Variants in DACH2 observed in about 807,000 individuals in gnomAD.
The protein encoded by DACH2 is dachshund homolog 2.
DACH2 carries 17 observed loss-of-function variants against 35.8 expected under a neutral mutation model. The observed-to-expected ratio is 0.48, with a 90% CI of 0.33 to 0.71. The LOEUF (loss-of-function observed/expected upper bound fraction) is 0.71, where lower values mean the gene tolerates loss of function less well. Among genes scored for constraint, DACH2 ranks in the 30% least tolerant of loss-of-function variants. The probability of loss-of-function intolerance (pLI) is 0.02; values close to 1 mark genes in which losing one functional copy is unlikely to be tolerated. For synonymous variants in DACH2, 195 were observed against 177.3 expected (o/e 1.10, Z -0.79); for missense variants, 469 against 472.7 (o/e 0.99, Z 0.07).
At chrX:86,266,752 G>A (rs2033720274) in intron 1 of DACH2, among the ~76,000 whole-genome samples, 1 of 111,535 alleles carries the variant, frequency 9.0e-6, no homozygotes, top group Non-Finnish European at 1.9e-5. Flanking sequence ...CTTCCTTGTG[G>A]AGTTATGAAA....
chrX:86,207,334 C>A (rs1239184021), intron 1 of DACH2, among the ~76,000 whole-genome samples: 1 of 111,362 alleles, frequency 9.0e-6, no homozygotes, highest in African/African-American at 3.3e-5. Context: ...TATAATCAGT[C>A]TCTGTGCAAA....
chrX:86,800,462 T>C (rs2042281286), intron 7 of DACH2, among the ~76,000 whole-genome samples: 1 of 111,644 alleles, frequency 9.0e-6, no homozygotes, highest in African/African-American at 3.3e-5. Flanking sequence ...TGGATATATA[T>C]TATGAATTAT....
intron 1 of DACH2, among the ~76,000 whole-genome samples, chrX:86,214,939 A>G (rs775772556): frequency 2.7e-5 from 3 of 111,592 alleles, no homozygotes; most frequent in Non-Finnish European, 5.7e-5. Context: ...TTCTAAAAAA[A>G]CAAGGTTGAT....
At chrX:86,168,783 C>T (rs1221116762) in intron 1 of DACH2, among the ~76,000 whole-genome samples, 1 of 108,899 alleles carries the variant, frequency 9.2e-6, no homozygotes, top group Non-Finnish European at 1.9e-5. Flanking sequence ...CTAATAAAAA[C>T]CCTATGCCGT....
intron 2 of DACH2, among the ~76,000 whole-genome samples, chrX:86,474,893 C>T (rs1234026369): frequency 9.0e-6 from 1 of 111,260 alleles, no homozygotes; most frequent in Non-Finnish European, 1.9e-5. Flanking sequence ...ACCACCATGC[C>T]CAGCTAATTT....
intron 11 of DACH2, among the ~76,000 whole-genome samples, chrX:86,823,070 C>T (rs7060839): frequency 1.8e-5 from 2 of 109,670 alleles, no homozygotes; most frequent in Middle Eastern, 4.8e-3. Flanking sequence ...CTTCTGCCTC[C>T]GCCTCCCAAG....
At chrX:86,553,043 G>T (rs1266477655) in intron 3 of DACH2, among the ~76,000 whole-genome samples, 6 of 110,744 alleles carry the variant, frequency 5.4e-5, no homozygotes, top group African/African-American at 9.9e-5. Context: ...ATATGAAGGG[G>T]AATTTATTAA....
chrX:86,369,706 A>C (rs776287325), intron 1 of DACH2, among the ~76,000 whole-genome samples: 1 of 111,654 alleles, frequency 9.0e-6, no homozygotes, highest in African/African-American at 3.2e-5. Flanking sequence ...TTATAGCATT[A>C]TTTATTTTCA....
At chrX:86,739,918 A>G in intron 7 of DACH2, 36 bp downstream of exon 7, 2 of 1,146,422 alleles carry the variant, frequency 1.7e-6, no homozygotes, top group Non-Finnish European at 2.3e-6. Flanking sequence ...ATTGGAAAAC[A>G]TTGTTTCTGG....
intron 1 of DACH2, among the ~76,000 whole-genome samples, chrX:86,276,184 G>A (rs1164993109): frequency 9.0e-6 from 1 of 111,468 alleles, no homozygotes; most frequent in Non-Finnish European, 1.9e-5. Context: ...CCACATCCTC[G>A]CCAGCCTTTG....
intron 7 of DACH2, among the ~76,000 whole-genome samples, chrX:86,741,812 G>T (rs1056936731): frequency 9.0e-6 from 1 of 111,128 alleles, no homozygotes. Flanking sequence ...TGGCTAAAAA[G>T]CACAGCACAT....
At chrX:86,295,628 C>T (rs1243967465) in intron 1 of DACH2, among the ~76,000 whole-genome samples, 1 of 111,131 alleles carries the variant, frequency 9.0e-6, no homozygotes, top group Non-Finnish European at 1.9e-5. Flanking sequence ...CTGACTAGGG[C>T]TGGTTTAAAT....
rs753101411 is a variant in DACH2 at position 86,411,496 on chromosome X, G to T, written c.527+34634G>T. Among the ~76,000 whole-genome samples, 10 of 110,464 alleles carry T rather than the reference G, an allele frequency of 9.1e-5. No homozygotes were observed. In the East Asian group the frequency reaches 2.9e-3, roughly 32 times the overall value. ...CTGAAATTATACATAATCTTCAAAT[G>T]AAGACAATAATGAGGTCATAATTAC... is the stretch of plus-strand genomic sequence containing the variant. On this transcript the variant is annotated intron_variant, in intron 2 of 11. Coordinates refer to ENST00000373125, the MANE Select transcript of DACH2 (RefSeq NM_053281.3).
chrX:86,669,226 A>C (rs1220203183), intron 4 of DACH2, among the ~76,000 whole-genome samples: 1 of 110,533 alleles, frequency 9.0e-6, no homozygotes, highest in African/African-American at 3.3e-5. Flanking sequence ...TCTTCCCTTC[A>C]AAACACATGT....
chrX:86,369,138 T>C (rs1452588432), intron 1 of DACH2, among the ~76,000 whole-genome samples: 3 of 111,148 alleles, frequency 2.7e-5, no homozygotes, highest in Non-Finnish European at 5.7e-5. Flanking sequence ...CAAGTGGTAT[T>C]ATTATTTAAA....
chrX:86,395,657 GAT>G (rs1207720078), intron 2 of DACH2, among the ~76,000 whole-genome samples: 1 of 111,001 alleles, frequency 9.0e-6, no homozygotes, highest in East Asian at 2.9e-4. Context: ...TTGTCCTTGC[GAT>G]AGTTTGCTGA....
intron 3 of DACH2, among the ~76,000 whole-genome samples, chrX:86,587,384 G>C (rs995083927): frequency 9.0e-6 from 1 of 111,405 alleles, no homozygotes; most frequent in African/African-American, 3.3e-5. Context: ...TTCTTCTCTT[G>C]TTATTTGGAT....
chrX:86,197,959 C>G (rs1384293981), intron 1 of DACH2, among the ~76,000 whole-genome samples: 1 of 111,931 alleles, frequency 8.9e-6, no homozygotes, highest in Non-Finnish European at 1.9e-5. Flanking sequence ...ACAGAATATA[C>G]ATTCTTCTCA....
intron 2 of DACH2, among the ~76,000 whole-genome samples, chrX:86,426,629 C>T (rs1338222054): frequency 9.0e-6 from 1 of 111,043 alleles, no homozygotes; most frequent in Non-Finnish European, 1.9e-5. Flanking sequence ...CCTGGTCTGC[C>T]TCCAGCTTTT....
Sources: allele counts gnomAD v4.1 joint callset (sites outside exome capture counted in the v4.1 genomes callset), GRCh38; gene constraint gnomAD v4.1.1; transcripts MANE v1.5; gene names NCBI Gene and HGNC (gene_info 2026-07-23, HGNC 2026-07-21).